Variants in KCNH8 observed in about 807,000 individuals in gnomAD.
KCNH8 encodes potassium voltage-gated channel subfamily H member 8, also known as voltage-gated delayed rectifier potassium channel KCNH8.
Under a neutral mutation model 103.6 loss-of-function variants are expected in KCNH8, and 70 were observed. That is an observed-to-expected ratio of 0.68 (90% CI 0.56 to 0.82). The LOEUF (loss-of-function observed/expected upper bound fraction) is 0.82, where lower values mean the gene tolerates loss of function less well. Ranked by LOEUF, KCNH8 falls within the 40% of genes least tolerant of loss-of-function variation. The pLI is 0.00. For missense variants in KCNH8, 1,217 were observed against 1,329.9 expected (o/e 0.92, Z 1.32); for synonymous variants, 498 against 489.4 (o/e 1.02, Z -0.23).
chr3:19,183,659 C>T (rs1228290597), intron 1 of KCNH8, among the ~76,000 whole-genome samples: 2 of 152,090 alleles, frequency 1.3e-5, no homozygotes, highest in East Asian at 1.9e-4. Context: ...TCAGCAAAAC[C>T]TGTGGTAAAC....
intron 5 of KCNH8, among the ~76,000 whole-genome samples, chr3:19,387,370 C>G (rs1309065969): frequency 6.6e-6 from 1 of 152,158 alleles, no homozygotes; most frequent in Non-Finnish European, 1.5e-5. Flanking sequence ...AAAACATCCT[C>G]TGTCTCTGTT....
chr3:19,309,320 G>A (rs527296677), intron 3 of KCNH8, among the ~76,000 whole-genome samples: 1 of 152,000 alleles, frequency 6.6e-6, no homozygotes, highest in East Asian at 1.9e-4. Context: ...ACCAAGGGAT[G>A]GAGAAGAACT....
chr3:19,430,352 C>T (rs550360050), intron 7 of KCNH8, among the ~76,000 whole-genome samples: 1 of 151,974 alleles, frequency 6.6e-6, no homozygotes, highest in Non-Finnish European at 1.5e-5. Context: ...TAGTGCCGTG[C>T]TCTTTTGGTT....
At chr3:19,439,619 A>G (rs533648262) in intron 8 of KCNH8, among the ~76,000 whole-genome samples, 2 of 152,330 alleles carry the variant, frequency 1.3e-5, no homozygotes, top group East Asian at 3.9e-4. Context: ...CTCACAAAGA[A>G]TCACACGGAC....
chr3:19,477,268 A>C (rs1288006636), intron 11 of KCNH8, among the ~76,000 whole-genome samples: 1 of 152,202 alleles, frequency 6.6e-6, no homozygotes, highest in Non-Finnish European at 1.5e-5. Context: ...AAATATCATA[A>C]TGCTCCATTC....
intron 3 of KCNH8, among the ~76,000 whole-genome samples, chr3:19,314,516 G>T (rs1336682456): frequency 6.6e-6 from 1 of 151,966 alleles, no homozygotes; most frequent in African/African-American, 2.4e-5. Flanking sequence ...GCTACAATGA[G>T]CCATGGTCAT....
At chr3:19,328,486 AAAC>A (rs2065461932) in intron 3 of KCNH8, among the ~76,000 whole-genome samples, 1 of 152,166 alleles carries the variant, frequency 6.6e-6, no homozygotes, top group African/African-American at 2.4e-5. Flanking sequence ...AAATAGAACT[AAAC>A]AACTGGCAAT....
intron 4 of KCNH8, among the ~76,000 whole-genome samples, chr3:19,343,883 A>G (rs1255529976): frequency 1.3e-5 from 2 of 152,052 alleles, no homozygotes; most frequent in Non-Finnish European, 2.9e-5. Flanking sequence ...CTTCAGTGCA[A>G]CTTTCTGGAA....
intron 15 of KCNH8, among the ~76,000 whole-genome samples, chr3:19,522,913 TCA>T (rs541961878): frequency 6.6e-5 from 10 of 151,976 alleles, no homozygotes; most frequent in Non-Finnish European, 1.0e-4. Flanking sequence ...AGAAAGTATT[TCA>T]GTTTTACCCT....
At chr3:19,258,213 A>G (rs1022132385) in intron 2 of KCNH8, among the ~76,000 whole-genome samples, 12 of 152,186 alleles carry the variant, frequency 7.9e-5, no homozygotes, top group Admixed American at 5.9e-4. Flanking sequence ...AGTTACATTT[A>G]TGTTGAATAG....
chr3:19,412,244 C>A (rs1157754002), intron 7 of KCNH8, among the ~76,000 whole-genome samples: 1 of 151,940 alleles, frequency 6.6e-6, no homozygotes, highest in Non-Finnish European at 1.5e-5. Context: ...AGCCATACAC[C>A]TACAGCCATC....
At chr3:19,496,835 G>C (rs953301434) in intron 11 of KCNH8, among the ~76,000 whole-genome samples, 3 of 152,076 alleles carry the variant, frequency 2.0e-5, no homozygotes, top group African/African-American at 4.8e-5. Context: ...CCTGTTTTTG[G>C]TTGGTTGGCT....
chr3:19,215,647 A>C (rs1459880250), intron 1 of KCNH8, among the ~76,000 whole-genome samples: 1 of 152,228 alleles, frequency 6.6e-6, no homozygotes, highest in East Asian at 1.9e-4. Context: ...ACTCAATGCT[A>C]CTTACTAGAG....
chr3:19,215,145 A>C (rs1487216193), intron 1 of KCNH8, among the ~76,000 whole-genome samples: 1 of 152,216 alleles, frequency 6.6e-6, no homozygotes, highest in African/African-American at 2.4e-5. Context: ...ATGTCTAGCT[A>C]AATCACACTG....
intron 8 of KCNH8, among the ~76,000 whole-genome samples, chr3:19,449,499 G>A (rs1488674934): frequency 1.3e-5 from 2 of 151,746 alleles, no homozygotes; most frequent in African/African-American, 2.4e-5. Context: ...GAAATCCTCA[G>A]TTACATTTTT....
chr3:19,358,125 G>A (rs2065902522), intron 5 of KCNH8, among the ~76,000 whole-genome samples: 1 of 151,730 alleles, frequency 6.6e-6, no homozygotes, highest in Non-Finnish European at 1.5e-5. Context: ...TGGCTTACTA[G>A]AAAAAAATAC....
chr3:19,375,706 T>C (rs1332216727), intron 5 of KCNH8, among the ~76,000 whole-genome samples: 1 of 152,196 alleles, frequency 6.6e-6, no homozygotes, highest in Non-Finnish European at 1.5e-5. Context: ...TTCCAGTTTT[T>C]CTGTTCTGTT....
chr3:19,238,994 A>G (rs143418888), intron 1 of KCNH8, among the ~76,000 whole-genome samples: 317 of 152,296 alleles, frequency 2.1e-3, no homozygotes, highest in African/African-American at 7.3e-3. Flanking sequence ...AGGACTAACT[A>G]AGTAATTTTT....
At chr3:19,392,958 T>C (rs1575008156) in intron 6 of KCNH8, among the ~76,000 whole-genome samples, 1 of 152,108 alleles carries the variant, frequency 6.6e-6, no homozygotes, top group African/African-American at 2.4e-5. Flanking sequence ...AAATGCAACA[T>C]ATCTATACAA....
Sources: gnomAD v4.1 joint callset for allele counts (sites outside exome capture counted in the v4.1 genomes callset) on GRCh38, gnomAD v4.1.1 for gene constraint, MANE v1.5 for transcripts, NCBI Gene and HGNC (gene_info 2026-07-23, HGNC 2026-07-21) for gene names.